Variants in COL11A1 observed in about 807,000 individuals in gnomAD.
COL11A1 encodes the protein collagen alpha-1(XI) chain.
COL11A1 carries 74 observed loss-of-function variants against 265.2 expected under a neutral mutation model. The ratio of observed to expected loss-of-function variants is 0.28; its 90% CI spans 0.23 to 0.34. The LOEUF is 0.34. Among genes scored for constraint, COL11A1 ranks in the 10% least tolerant of loss-of-function variants. The pLI is 1.00. For synonymous variants in COL11A1, 816 were observed against 727.6 expected (o/e 1.12, Z -1.96); for missense variants, 2,165 against 2,263.6 (o/e 0.96, Z 0.88).
intron 13 of COL11A1, among the ~76,000 whole-genome samples, chr1:103,013,749 G>A (rs915917455): frequency 4.6e-5 from 7 of 151,804 alleles, no homozygotes; most frequent in African/African-American, 1.4e-4. Flanking sequence ...TGGTTAGAAA[G>A]TGGGTAACCA....
intron 38 of COL11A1, among the ~76,000 whole-genome samples, chr1:102,963,377 C>A (rs1337149960): frequency 6.6e-6 from 1 of 152,124 alleles, no homozygotes; most frequent in African/African-American, 2.4e-5. Context: ...TGGTCAGCTG[C>A]CTTAAATTGC....
chr1:102,936,367 G>T (rs897262067), intron 44 of COL11A1, among the ~76,000 whole-genome samples: 1 of 150,642 alleles, frequency 6.6e-6, no homozygotes, highest in Non-Finnish European at 1.5e-5. Context: ...GAAAAACTAT[G>T]ATTTTTTAGT....
chr1:102,955,352 A>G (rs1207670164), intron 41 of COL11A1, among the ~76,000 whole-genome samples: 4 of 152,200 alleles, frequency 2.6e-5, no homozygotes, highest in Non-Finnish European at 4.4e-5. Context: ...AGAGGAAAAT[A>G]AAGTCAGAAT....
At chr1:102,908,682 A>G (rs1654285515) in intron 54 of COL11A1, among the ~76,000 whole-genome samples, 2 of 152,024 alleles carry the variant, frequency 1.3e-5, no homozygotes, top group South Asian at 2.1e-4. Context: ...GTTTACATAT[A>G]CCCTTAGGTA....
chr1:103,077,051 C>T (rs2102294082), intron 3 of COL11A1, among the ~76,000 whole-genome samples: 1 of 151,940 alleles, frequency 6.6e-6, no homozygotes, highest in South Asian at 2.1e-4. Flanking sequence ...ACACAGTAAG[C>T]ATTTAATAAA....
chr1:103,063,730 A>T (rs1258161481), intron 4 of COL11A1, among the ~76,000 whole-genome samples: 2 of 152,166 alleles, frequency 1.3e-5, no homozygotes, highest in Admixed American at 1.3e-4. Context: ...AAAATTTAAA[A>T]CTTCTATTCT....
intron 38 of COL11A1, among the ~76,000 whole-genome samples, chr1:102,964,584 A>AGG (rs201287574): frequency 3.7e-5 from 3 of 81,756 alleles, no homozygotes; most frequent in African/African-American, 9.7e-5. Context: ...TTGTTTCTCT[A>AGG]GGGGTGTGTG....
chr1:102,934,389 A>G (rs1407758307), intron 46 of COL11A1, 60 bp downstream of exon 46: 3 of 1,240,558 alleles, frequency 2.4e-6, no homozygotes, highest in African/African-American at 3.0e-5. Flanking sequence ...TACATCCACC[A>G]GAAAACCTGG....
At chr1:102,884,261 T>G (rs1389665579) in intron 63 of COL11A1, 2 of 152,162 alleles carry the variant, frequency 1.3e-5, no homozygotes, top group Non-Finnish European at 2.9e-5. Context: ...AACCCCTTTT[T>G]TGCAAAGCCA....
intron 62 of COL11A1, 79 bp downstream of exon 62, chr1:102,888,498 A>G (rs1034858613): frequency 1.0e-5 from 14 of 1,360,620 alleles, no homozygotes; most frequent in East Asian, 6.9e-5. Flanking sequence ...CTTTTTGTCT[A>G]TCTTATAAGT....
chr1:103,104,197 G>C (rs1674514425), intron 1 of COL11A1, among the ~76,000 whole-genome samples: 1 of 151,790 alleles, frequency 6.6e-6, no homozygotes, highest in South Asian at 2.1e-4. Context: ...AACCAAACTT[G>C]ATTTAAATCC....
chr1:102,885,872 C>G (rs186188079), intron 63 of COL11A1, among the ~76,000 whole-genome samples: 2 of 152,022 alleles, frequency 1.3e-5, no homozygotes, highest in African/African-American at 4.8e-5. Context: ...TGTATAGGAA[C>G]GCTAATAATT....
chr1:102,879,164 G>A (rs1455862899), intron 66 of COL11A1, among the ~76,000 whole-genome samples: 2 of 151,996 alleles, frequency 1.3e-5, no homozygotes, highest in African/African-American at 4.8e-5. Flanking sequence ...ATTTTCTTAT[G>A]TAAAATCTTA....
chr1:103,107,188 A>G (rs544778097), intron 1 of COL11A1, among the ~76,000 whole-genome samples: 1 of 152,052 alleles, frequency 6.6e-6, no homozygotes, highest in African/African-American at 2.4e-5. Flanking sequence ...ACAGGGTTGC[A>G]GACTTCCGAG....
chr1:103,097,990 T>C (rs1197742318), intron 1 of COL11A1, among the ~76,000 whole-genome samples: 1 of 151,844 alleles, frequency 6.6e-6, no homozygotes, highest in African/African-American at 2.4e-5. Context: ...CTGAGTATGG[T>C]GAAGAAAAGA....
intron 37 of COL11A1, among the ~76,000 whole-genome samples, chr1:102,968,147 T>C (rs1283234548): frequency 6.6e-6 from 1 of 152,216 alleles, no homozygotes; most frequent in Admixed American, 6.5e-5. Flanking sequence ...GCTTGTTCAA[T>C]ATTGTCATGT....
At chr1:103,092,888 G>A (rs1194765641) in intron 1 of COL11A1, among the ~76,000 whole-genome samples, 1 of 151,904 alleles carries the variant, frequency 6.6e-6, no homozygotes, top group Non-Finnish European at 1.5e-5. Flanking sequence ...TGAATTGCTT[G>A]ATATGTACTG....
intron 18 of COL11A1, 75 bp downstream of exon 18, chr1:103,005,763 T>C: frequency 2.6e-6 from 4 of 1,562,336 alleles, no homozygotes; most frequent in Non-Finnish European, 3.5e-6. Flanking sequence ...CTTCTTTTTC[T>C]GATTTTGCAA....
In COL11A1 at chr1:102,892,598, A is replaced by G. The variant is rs542209284; in HGVS notation, c.4303-2094T>C. Reference sequence around the variant, plus strand: ...TCCTATCTCATAGAGCTGCTGCATGAATGAGGATGGGCCCTCCCTATTCTT... The same window carrying G: ...TCCTATCTCATAGAGCTGCTGCATGGATGAGGATGGGCCCTCCCTATTCTT... On this transcript the variant is annotated intron_variant, in intron 57 of 66. Coordinates refer to ENST00000370096, the MANE Select transcript of COL11A1 (RefSeq NM_001854.4). Among the ~76,000 whole-genome samples, 3 of 152,194 alleles carry G rather than the reference A, an allele frequency of 2.0e-5. No homozygotes were observed. In the South Asian group the frequency reaches 6.2e-4, roughly 31 times the overall value.
Sources: gnomAD v4.1 joint callset for allele counts (sites outside exome capture counted in the v4.1 genomes callset) on GRCh38, gnomAD v4.1.1 for gene constraint, MANE v1.5 for transcripts, NCBI Gene and HGNC (gene_info 2026-07-23, HGNC 2026-07-21) for gene names.